The following ANK1 variants were observed in gnomAD, a reference collection of about 807,000 sequenced individuals.
The protein encoded by ANK1 is ankyrin 1, also known as ankyrin-1.
A neutral mutation model predicts 210.4 loss-of-function variants in ANK1; 51 were observed. The observed-to-expected ratio is 0.24, with a 90% CI of 0.19 to 0.31. The LOEUF (loss-of-function observed/expected upper bound fraction) is 0.31. ANK1 is among the 10% of genes least tolerant of loss of function. The pLI is 1.00. For synonymous variants in ANK1, 967 were observed against 1,025.9 expected (o/e 0.94, Z 1.10); for missense variants, 2,051 against 2,504.4 (o/e 0.82, Z 3.86).
intron 1 of ANK1, among the ~76,000 whole-genome samples, chr8:41,778,724 G>A (rs1218552757): frequency 2.6e-5 from 4 of 152,214 alleles, no homozygotes; most frequent in Non-Finnish European, 4.4e-5. Flanking sequence ...AATGTCTCCC[G>A]TTGTGAGGTT....
At chr8:41,874,276 C>A (rs1816140840) in intron 1 of ANK1, among the ~76,000 whole-genome samples, 1 of 152,226 alleles carries the variant, frequency 6.6e-6, no homozygotes, top group Non-Finnish European at 1.5e-5. Context: ...CCTATAGCCG[C>A]CTTCAGAGCA....
intron 37 of ANK1, among the ~76,000 whole-genome samples, chr8:41,682,312 C>T (rs1367018854): frequency 6.6e-6 from 1 of 152,218 alleles, no homozygotes; most frequent in Non-Finnish European, 1.5e-5. Flanking sequence ...TCCTCGAGTG[C>T]CACCCGCTTC....
chr8:41,892,660 T>C (rs991367681), intron 1 of ANK1, among the ~76,000 whole-genome samples: 1 of 152,188 alleles, frequency 6.6e-6, no homozygotes, highest in Non-Finnish European at 1.5e-5. Context: ...TGCAAATGAT[T>C]AGAAGAGAAA....
intron 1 of ANK1, among the ~76,000 whole-genome samples, chr8:41,888,179 T>G (rs1818784125): frequency 1.3e-5 from 2 of 152,196 alleles, no homozygotes; most frequent in African/African-American, 4.8e-5. Context: ...GGAAGCCACC[T>G]ATGCCACATG....
chr8:41,729,289 A>G (rs1015388574), intron 3 of ANK1, among the ~76,000 whole-genome samples: 2 of 152,270 alleles, frequency 1.3e-5, no homozygotes, highest in Non-Finnish European at 2.9e-5. Context: ...TAAACACTGG[A>G]GGAAAACCAG....
Position 41,668,535 on chromosome 8 carries a change from A to G in ANK1, c.5126T>C (p.Ile1709Thr), listed in dbSNP as rs1308465205. 4 of 1,613,920 alleles carry G rather than the reference A, an allele frequency of 2.5e-6. No individual in the cohort carries two copies. The highest frequency in any genetic ancestry group is 1.7e-5 in the Admixed American group (1 of 60,026). The part of the protein sequence containing the change: ...RLQDWDADGS[I>T]VSYLQDAAQG... ...TGCAGCATCTTGCAGGTATGAGACA[A>G]TCGAGCCGTCTGCATCCCAGTCCTG... is the stretch of plus-strand genomic sequence containing the variant. Residue 1709 changes from isoleucine (I) to threonine (T), a missense_variant, in exon 39 of 43, where the codon ATT becomes ACT. By Grantham distance (89) the Ile-to-Thr change is moderately conservative. This residue lies in a region of ANK1 where 496 missense variants were observed against 533.4 expected (regional missense o/e 0.93). Transcript: ENST00000289734.
chr8:41,732,706 T>C (rs1832490087), intron 3 of ANK1, among the ~76,000 whole-genome samples: 2 of 145,688 alleles, frequency 1.4e-5, no homozygotes, highest in Admixed American at 1.4e-4. Context: ...AGCCACCACG[T>C]CCAGCCTTGT....
intron 39 of ANK1, chr8:41,664,886 C>T (rs1226401611): frequency 1.2e-6 from 2 of 1,614,192 alleles, no homozygotes; most frequent in Non-Finnish European, 1.7e-6. Flanking sequence ...CCCCCAGCTC[C>T]TTGTCCAGCT....
At chr8:41,816,164 AT>A (rs1478110710) in intron 1 of ANK1, among the ~76,000 whole-genome samples, 2 of 152,230 alleles carry the variant, frequency 1.3e-5, no homozygotes, top group East Asian at 3.8e-4. Context: ...GCTAGCCATC[AT>A]TTCACGCTAT....
upstream of ANK1, chr8:41,797,692 C>A (rs561376119): frequency 6.7e-6 from 8 of 1,197,734 alleles, no homozygotes; most frequent in South Asian, 4.0e-5. The surrounding 1 kb of genome is among the most constrained non-coding windows in gnomAD (Gnocchi z 4.0). Context: ...GCTGTCGGGC[C>A]GGGCGCTCCC....
intron 2 of ANK1, among the ~76,000 whole-genome samples, chr8:41,755,135 T>C (rs1197820909): frequency 6.6e-6 from 1 of 152,256 alleles, no homozygotes; most frequent in Non-Finnish European, 1.5e-5. Flanking sequence ...TGACAGCCAC[T>C]TGTCACTGGC....
At chr8:41,731,023 C>T (rs1832057686) in intron 3 of ANK1, among the ~76,000 whole-genome samples, 1 of 152,210 alleles carries the variant, frequency 6.6e-6, no homozygotes, top group Non-Finnish European at 1.5e-5. Flanking sequence ...TGATGGAAAC[C>T]TGGCTATGGA....
At chr8:41,797,784 C>T (rs1164219602), upstream of ANK1, among the ~76,000 whole-genome samples, 3 of 151,986 alleles carry the variant, frequency 2.0e-5, no homozygotes, top group East Asian at 2.0e-4. This position sits in a 1 kb window ranked among gnomAD's most constrained non-coding sequence, Gnocchi z 4.0. Context: ...CAGGAGGCCC[C>T]GCTCCCCAGG....
At chr8:41,890,394 T>A (rs1819182322) in intron 1 of ANK1, among the ~76,000 whole-genome samples, 1 of 152,184 alleles carries the variant, frequency 6.6e-6, no homozygotes, top group Non-Finnish European at 1.5e-5. Flanking sequence ...GCAAAGTTGA[T>A]CTGCCTTTCT....
chr8:41,692,809 G>C lies in ANK1; in HGVS notation c.3697C>G (p.Leu1233Val), dbSNP rs1486622495. The C allele has an allele frequency of 1.9e-6, 3 of 1,614,152 alleles. No individual in the cohort carries two copies. The East Asian group carries it at 6.7e-5, about 36-fold the overall frequency. The change falls in exon 31 of 43, where the codon CTC becomes GTC. Residue 1233 changes from leucine (L) to valine (V), a missense_variant. Physicochemically the swap from Leu to Val is conservative, Grantham distance 32. Transcript: ENST00000289734. Reference sequence around the variant, plus strand: ...TTGGCCATGTAGGGCACTGCAGTGAGCTCTTTGTACAGCAGGGTGGCAAAG... The same window carrying C: ...TTGGCCATGTAGGGCACTGCAGTGACCTCTTTGTACAGCAGGGTGGCAAAG... ...VNFATLLYKE[L>V]TAVPYMAKFV... is the part of the protein sequence containing the mutation.
chr8:41,755,223 C>T (rs1188703895), intron 2 of ANK1, among the ~76,000 whole-genome samples: 2 of 152,202 alleles, frequency 1.3e-5, no homozygotes, highest in Admixed American at 6.5e-5. Context: ...CCAAAACGAA[C>T]CGAAGAGGTG....
intron 1 of ANK1, among the ~76,000 whole-genome samples, chr8:41,761,174 CACACACAG>C (rs1563693697): frequency 8.3e-6 from 1 of 120,278 alleles, no homozygotes; most frequent in East Asian, 2.5e-4. Flanking sequence ...TGCACACATG[CACACACAG>C]ATGCATGCGC....
At chr8:41,688,061 A>T in intron 35 of ANK1, 95 bp downstream of exon 35, 1 of 1,399,766 alleles carries the variant, frequency 7.1e-7, no homozygotes, top group Non-Finnish European at 1.0e-6. Flanking sequence ...GGGTGATAAA[A>T]GGAGGGTTAG....
intron 29 of ANK1, 151 bp downstream of exon 29, chr8:41,693,747 T>G (rs1819978141): frequency 3.4e-6 from 3 of 894,532 alleles, no homozygotes; most frequent in Non-Finnish European, 1.7e-6. Context: ...AGATACATCA[T>G]CCTTCCATCT....
Sources: allele counts gnomAD v4.1 joint callset (sites outside exome capture counted in the v4.1 genomes callset), GRCh38; gene constraint gnomAD v4.1.1; regional missense constraint gnomAD v4.1.1; non-coding constraint Gnocchi (gnomAD v3.1); transcripts MANE v1.5; gene names NCBI Gene and HGNC (gene_info 2026-07-23, HGNC 2026-07-21).